The following AKAP6 variants were observed in gnomAD, a reference collection of about 807,000 sequenced individuals.
AKAP6 encodes the protein A-kinase anchor protein 6.
In AKAP6, 58 loss-of-function variants were observed where a neutral mutation model predicts 188.5. The ratio of observed to expected loss-of-function variants is 0.31; its 90% CI spans 0.25 to 0.38. The LOEUF (loss-of-function observed/expected upper bound fraction) is 0.38. Among genes scored for constraint, AKAP6 ranks in the 10% least tolerant of loss-of-function variants. The probability of loss-of-function intolerance (pLI) is 1.00; values close to 1 mark genes in which losing one functional copy is unlikely to be tolerated. For missense variants in AKAP6, 2,710 were observed against 2,740.0 expected, an observed-to-expected ratio of 0.99 and a Z score of 0.24; for synonymous variants, 989 against 998.6, an observed-to-expected ratio of 0.99 and a Z score of 0.18.
chr14:32,737,282 T>A (rs1024137716), intron 11 of AKAP6, among the ~76,000 whole-genome samples: 2 of 152,150 alleles, frequency 1.3e-5, no homozygotes, highest in Admixed American at 6.6e-5. Context: ...ATTTTATTCA[T>A]GACTGTTGGA....
At chr14:32,440,176 G>T (rs561428740) in intron 2 of AKAP6, among the ~76,000 whole-genome samples, 1 of 152,120 alleles carries the variant, frequency 6.6e-6, no homozygotes, top group Non-Finnish European at 1.5e-5. Context: ...CAAAGGACAT[G>T]AATTCATCCT....
chr14:32,492,351 T>G (rs1334031506), intron 2 of AKAP6, among the ~76,000 whole-genome samples: 12 of 54,942 alleles, frequency 2.2e-4, no homozygotes, highest in East Asian at 1.1e-3. Context: ...TATATATATA[T>G]ATATAGAGAG....
chr14:32,531,168 A>T (rs1258620335), intron 2 of AKAP6, among the ~76,000 whole-genome samples: 1 of 152,224 alleles, frequency 6.6e-6, no homozygotes, highest in Non-Finnish European at 1.5e-5. Context: ...TAAACAAAGC[A>T]ATGTAGAGGG....
chr14:32,524,503 G>C (rs1181344914), intron 2 of AKAP6, among the ~76,000 whole-genome samples: 1 of 151,864 alleles, frequency 6.6e-6, no homozygotes, highest in Non-Finnish European at 1.5e-5. Flanking sequence ...ATATTTATTT[G>C]TGTGTGTGAG....
At chr14:32,522,621 G>A (rs566477847) in intron 2 of AKAP6, among the ~76,000 whole-genome samples, 9 of 152,224 alleles carry the variant, frequency 5.9e-5, no homozygotes, top group Non-Finnish European at 8.8e-5. Flanking sequence ...AGAGAAATGC[G>A]AATCAAAATC....
intron 4 of AKAP6, among the ~76,000 whole-genome samples, chr14:32,575,192 T>C (rs555587673): frequency 6.6e-6 from 1 of 152,242 alleles, no homozygotes; most frequent in Non-Finnish European, 1.5e-5. Flanking sequence ...CTCAAATTTA[T>C]GCAAATGCAG....
At chr14:32,490,628 T>C (rs1879961620) in intron 2 of AKAP6, among the ~76,000 whole-genome samples, 1 of 152,126 alleles carries the variant, frequency 6.6e-6, no homozygotes, top group African/African-American at 2.4e-5. Flanking sequence ...GGTTCTGAGC[T>C]CCAGTTTTTG....
At chr14:32,694,221 C>T (rs895506218) in intron 8 of AKAP6, among the ~76,000 whole-genome samples, 33 of 151,926 alleles carry the variant, frequency 2.2e-4, no homozygotes, top group African/African-American at 7.3e-4. Context: ...ATTAGCCGAG[C>T]GTGGTGGTGG....
At chr14:32,519,650 C>T (rs1392489426) in intron 2 of AKAP6, among the ~76,000 whole-genome samples, 7 of 152,274 alleles carry the variant, frequency 4.6e-5, no homozygotes, top group Middle Eastern at 3.4e-3. Flanking sequence ...AGCTAACTGT[C>T]CTAAATATAT....
At chr14:32,579,885 G>A (rs1485097693) in intron 5 of AKAP6, among the ~76,000 whole-genome samples, 1 of 152,022 alleles carries the variant, frequency 6.6e-6, no homozygotes, top group Non-Finnish European at 1.5e-5. Context: ...AGTGGTATTT[G>A]CAAGATTATC....
chr14:32,814,889 TG>T (rs561356966), intron 12 of AKAP6, among the ~76,000 whole-genome samples: 112 of 152,232 alleles, frequency 7.4e-4, no homozygotes, highest in African/African-American at 2.6e-3. Flanking sequence ...CCACCATGCC[TG>T]GGCAATCAGT....
chr14:32,353,377 C>T lies in AKAP6; in HGVS notation c.-35+23969C>T, dbSNP rs186266181. Among the ~76,000 whole-genome samples, 158 of 152,162 alleles carry T rather than the reference C, an allele frequency of 1.0e-3. 3 individuals carry two copies. The East Asian group carries it at 0.026, about 25-fold the overall frequency. The stretch of plus-strand genomic sequence containing the variant: ...GAGATCGAAACCATCCTGGCTAACA[C>T]GGTGAAACCCTGTCTCTACTAAAAA... On this transcript the variant is annotated intron_variant, in intron 1 of 13. Transcript: ENST00000280979.
intron 2 of AKAP6, among the ~76,000 whole-genome samples, chr14:32,450,865 G>A (rs1247391001): frequency 6.6e-6 from 1 of 151,984 alleles, no homozygotes; most frequent in African/African-American, 2.4e-5. Flanking sequence ...GGGCCAATTT[G>A]GTCTTTAAGA....
intron 12 of AKAP6, among the ~76,000 whole-genome samples, chr14:32,787,581 C>T (rs956569021): frequency 2.6e-5 from 4 of 151,938 alleles, no homozygotes; most frequent in African/African-American, 7.3e-5. Flanking sequence ...TGACTTGTGG[C>T]AATTATTTTT....
intron 12 of AKAP6, among the ~76,000 whole-genome samples, chr14:32,787,850 A>G (rs1162397592): frequency 1.3e-5 from 2 of 152,078 alleles, no homozygotes; most frequent in Non-Finnish European, 2.9e-5. Flanking sequence ...AAATATATGC[A>G]AGTACATTAC....
At chr14:32,743,361 A>G (rs1594901314) in intron 11 of AKAP6, among the ~76,000 whole-genome samples, 1 of 152,150 alleles carries the variant, frequency 6.6e-6, no homozygotes, top group African/African-American at 2.4e-5. Flanking sequence ...AGTCCGTTAC[A>G]TTCAGCATTA....
chr14:32,629,325 T>G (rs913120019), intron 7 of AKAP6, among the ~76,000 whole-genome samples: 4 of 151,736 alleles, frequency 2.6e-5, no homozygotes, highest in African/African-American at 4.8e-5. Flanking sequence ...AGCCAGCATT[T>G]TGTCATTTAA....
chr14:32,398,555 C>A (rs1018220392), intron 1 of AKAP6, among the ~76,000 whole-genome samples: 2 of 152,084 alleles, frequency 1.3e-5, no homozygotes, highest in African/African-American at 4.8e-5. Context: ...TCCTTTCCAG[C>A]CATCCACACC....
intron 9 of AKAP6, among the ~76,000 whole-genome samples, chr14:32,725,879 C>G (rs2030845672): frequency 6.6e-6 from 1 of 152,122 alleles, no homozygotes; most frequent in East Asian, 1.9e-4. Flanking sequence ...ACTCCATTTC[C>G]TGTTTAATTG....
Sources: gnomAD v4.1 joint callset for allele counts (sites outside exome capture counted in the v4.1 genomes callset) on GRCh38, gnomAD v4.1.1 for gene constraint, MANE v1.5 for transcripts, NCBI Gene and HGNC (gene_info 2026-07-23, HGNC 2026-07-21) for gene names.